Variants in GPBP1L1 observed in about 807,000 individuals in gnomAD.
GPBP1L1 encodes GC-rich promoter binding protein 1 like 1.
GPBP1L1 carries 23 observed loss-of-function variants against 52.5 expected under a neutral mutation model. The ratio of observed to expected loss-of-function variants is 0.44; its 90% CI spans 0.32 to 0.62. GPBP1L1 has a LOEUF of 0.62. Among genes scored for constraint, GPBP1L1 ranks in the 20% least tolerant of loss-of-function variants. GPBP1L1 has a pLI of 0.06. For missense variants in GPBP1L1, 596 were observed against 579.3 expected (o/e 1.03, Z -0.30); for synonymous variants, 243 against 203.1 (o/e 1.20, Z -1.67).
At position 45,654,784 on chromosome 1, in the gene GPBP1L1, G is replaced by A; in HGVS notation, c.236C>T (p.Ser79Phe). ...PSLFRHDSVD[S>F]GVSKGAYAGI... ...AGCATATGCTCCCTTAGAGACACCAGAGTCCACAGAATCATGGCGGAACAG... is the reference window on the plus strand; with the variant it reads ...AGCATATGCTCCCTTAGAGACACCAAAGTCCACAGAATCATGGCGGAACAG... Residue 79 changes from serine (S) to phenylalanine (F), a missense_variant, in exon 6 of 13, where the codon TCT becomes TTT. Transcript: ENST00000355105. 6.2e-7 allele frequency: 1 copy of A among 1,614,124 alleles called. No homozygotes were observed. The highest frequency in any genetic ancestry group is 8.5e-7 in the Non-Finnish European group (1 of 1,180,006).
intron 2 of GPBP1L1, among the ~76,000 whole-genome samples, chr1:45,680,038 C>T (rs115305486): frequency 9.2e-5 from 14 of 152,154 alleles, no homozygotes; most frequent in Non-Finnish European, 2.1e-4. Context: ...TATGAACATG[C>T]CACTGCACTC....
intron 6 of GPBP1L1, 77 bp from the exon 7 acceptor site, chr1:45,642,576 T>C (rs1287892993): frequency 4.1e-6 from 4 of 985,248 alleles, no homozygotes; most frequent in Non-Finnish European, 4.9e-6. Flanking sequence ...GCCATCACCA[T>C]GGAACCTATC....
rs938676064 is a variant in GPBP1L1, at chr1:45,640,414, C to T, written c.551-11G>A. 2 of 1,609,258 alleles carry T rather than the reference C, an allele frequency of 1.2e-6. No homozygotes were observed. Among genetic ancestry groups the T allele is most frequent in the Non-Finnish European group, 1.7e-6 (2 of 1,176,644 alleles). On this transcript the variant is annotated splice_polypyrimidine_tract_variant and intron_variant, in intron 7 of 12. Transcript: ENST00000355105. ...CACTAGGCGGGTTTTCTGTGAAGTA[C>T]AAGAGTGGAGAGACAACAGAATGTC...
chr1:45,674,346 AT>A (rs1645113648), intron 2 of GPBP1L1, among the ~76,000 whole-genome samples: 1 of 152,238 alleles, frequency 6.6e-6, no homozygotes, highest in Non-Finnish European at 1.5e-5. Flanking sequence ...TAAAAGACAA[AT>A]CTTGGAAAAA....
chr1:45,685,590 A>T lies in GPBP1L1; in HGVS notation c.-1112T>A, dbSNP rs1645270634. ...GTGAGCCTCACCTTTGTTTTCACCC[A>T]GCATAAGGAGAGTTAAAGGTGAGAC... On this transcript the variant is annotated 5_prime_UTR_variant, in exon 2 of 13. Coordinates refer to ENST00000355105, the MANE Select transcript of GPBP1L1 (RefSeq NM_021639.5). 6.6e-6 allele frequency: 1 copy of T among 152,248 alleles called. No homozygotes were observed. Among genetic ancestry groups the T allele is most frequent in the Non-Finnish European group, 1.5e-5 (1 of 68,042 alleles). 9.4% of individuals were successfully genotyped at this position (152,248 alleles called of 1,614,324 possible). A position where few individuals can be genotyped will look rare whatever the true frequency, so the allele number is the denominator to read the frequency against.
chr1:45,679,761 A>G (rs1645189892), intron 2 of GPBP1L1, among the ~76,000 whole-genome samples: 1 of 152,058 alleles, frequency 6.6e-6, no homozygotes, highest in Non-Finnish European at 1.5e-5. Flanking sequence ...TTTCCTAAAA[A>G]GTAATTTTAG....
chr1:45,628,075 T>C lies in GPBP1L1; in HGVS notation c.*181A>G. 1.6e-6 allele frequency: 1 copy of C among 634,546 alleles called. No homozygotes were observed. Among genetic ancestry groups the C allele is most frequent in the Admixed American group, 2.9e-5 (1 of 34,240 alleles). The allele number at this position is 634,546 out of a possible 1,614,324, so 39.3% of individuals were successfully genotyped here. A position where few individuals can be genotyped will look rare whatever the true frequency, so the allele number is the denominator to read the frequency against. Reference sequence around the variant, plus strand: ...CACAAACTTCTCTCTATAAAGCAGATAACAGGGAAGAACAATAACAAAAGC... The same window carrying C: ...CACAAACTTCTCTCTATAAAGCAGACAACAGGGAAGAACAATAACAAAAGC... On this transcript the variant is annotated 3_prime_UTR_variant, in exon 13 of 13. Coordinates refer to ENST00000355105, the MANE Select transcript of GPBP1L1 (RefSeq NM_021639.5).
intron 7 of GPBP1L1, 151 bp from the exon 8 acceptor site, chr1:45,640,554 C>T: frequency 1.5e-6 from 1 of 648,790 alleles, no homozygotes; most frequent in Non-Finnish European, 2.7e-6. Context: ...TAGATACTCT[C>T]AAAAGTGAGA....
intron 2 of GPBP1L1, among the ~76,000 whole-genome samples, chr1:45,673,534 A>T (rs956657983): frequency 6.6e-6 from 1 of 152,178 alleles, no homozygotes; most frequent in Admixed American, 6.5e-5. Flanking sequence ...CATGAAGCTG[A>T]CTGTGGTTGA....
At position 45,654,539 on chromosome 1, in the gene GPBP1L1, T is replaced by G. The variant is rs1003834649; in HGVS notation, c.477+4A>C. The G allele has an allele frequency of 1.9e-6, 3 of 1,603,900 alleles. No homozygotes were observed. The highest frequency in any genetic ancestry group is 2.6e-6 in the Non-Finnish European group (3 of 1,172,770). ...TAACCACACATCTAAAGATTCATACTTACAAAGTCCTCCTCTTCAAACTGC... is the reference window on the plus strand; with the variant it reads ...TAACCACACATCTAAAGATTCATACGTACAAAGTCCTCCTCTTCAAACTGC... On this transcript the variant is annotated splice_donor_region_variant and intron_variant, in intron 6 of 12. Transcript: ENST00000355105.
chr1:45,634,013 C>T, intron 9 of GPBP1L1, 83 bp downstream of exon 9: 1 of 1,337,002 alleles, frequency 7.5e-7, no homozygotes. Context: ...ACAAGTGTCA[C>T]AGCTATACAT....
chr1:45,646,185 TCACA>T (rs1445706247), intron 6 of GPBP1L1: 1 of 329,764 alleles, frequency 3.0e-6, no homozygotes, highest in Non-Finnish European at 5.8e-6. Context: ...GGTAGGATGT[TCACA>T]CACACCATTG....
At chr1:45,636,949 C>T (rs1294208696) in intron 8 of GPBP1L1, among the ~76,000 whole-genome samples, 1 of 151,382 alleles carries the variant, frequency 6.6e-6, no homozygotes, top group Non-Finnish European at 1.5e-5. Context: ...CTATGTAACC[C>T]CACAGTGTGT....
chr1:45,629,594 G>T lies in GPBP1L1; in HGVS notation c.1254C>A (p.Phe418Leu). The T allele has an allele frequency of 1.2e-6, 2 of 1,608,400 alleles. No homozygotes were observed. The highest frequency in any genetic ancestry group is 1.7e-6 in the Non-Finnish European group (2 of 1,174,898). The change falls in exon 12 of 13, where the codon TTC becomes TTA. Residue 418 changes from phenylalanine to leucine, a missense_variant. Coordinates refer to ENST00000355105, the MANE Select transcript of GPBP1L1 (RefSeq NM_021639.5). ...AACATACCTGCTCTGTCTTCATGTGGAACTCTTTGAGCTCATCCTCTGTGA... is the reference window on the plus strand; with the variant it reads ...AACATACCTGCTCTGTCTTCATGTGTAACTCTTTGAGCTCATCCTCTGTGA... ...LPLTEDELKE[F>L]HMKTEQLRRN...
chr1:45,678,805 G>A (rs1385954345), intron 2 of GPBP1L1, among the ~76,000 whole-genome samples: 1 of 152,220 alleles, frequency 6.6e-6, no homozygotes, highest in East Asian at 1.9e-4. Context: ...GGAGAAATTT[G>A]AATAGCACCT....
chr1:45,649,811 T>C (rs762847056), intron 6 of GPBP1L1, among the ~76,000 whole-genome samples: 40 of 152,354 alleles, frequency 2.6e-4, no homozygotes, highest in Non-Finnish European at 4.4e-4. Flanking sequence ...GTTCCCTTCA[T>C]ACCCTTTCCC....
chr1:45,651,732 TA>T, intron 6 of GPBP1L1: 1 of 405,802 alleles, frequency 2.5e-6, no homozygotes, highest in Non-Finnish European at 4.4e-6. Context: ...GGCCTTTTCT[TA>T]AATAGCGGAT....
intron 4 of GPBP1L1, 174 bp from the exon 5 acceptor site, chr1:45,655,493 T>C (rs1280529322): frequency 1.0e-5 from 6 of 583,552 alleles, no homozygotes; most frequent in Non-Finnish European, 1.5e-5. Flanking sequence ...AGAGAAGTCC[T>C]AGGTTATATA....
intron 7 of GPBP1L1, among the ~76,000 whole-genome samples, chr1:45,640,721 T>G (rs1057434196): frequency 1.3e-5 from 2 of 152,072 alleles, no homozygotes; most frequent in Non-Finnish European, 2.9e-5. Context: ...CAAGAATAAA[T>G]CCAAGCGCCA....
Sources: allele counts gnomAD v4.1 joint callset (sites outside exome capture counted in the v4.1 genomes callset), GRCh38; gene constraint gnomAD v4.1.1; transcripts MANE v1.5; gene names NCBI Gene and HGNC (gene_info 2026-07-23, HGNC 2026-07-21).